The following SYNDIG1L variants were observed in gnomAD, a reference collection of about 807,000 sequenced individuals.
SYNDIG1L encodes the protein synapse differentiation inducing 1 like.
In SYNDIG1L, 13 loss-of-function variants were observed where a neutral mutation model predicts 20.1. The ratio of observed to expected loss-of-function variants is 0.65; its 90% CI spans 0.42 to 1.03. The LOEUF (loss-of-function observed/expected upper bound fraction) is 1.03, where lower values mean the gene tolerates loss of function less well. Among genes scored for constraint, SYNDIG1L ranks in the 50% least tolerant of loss-of-function variants. The probability of loss-of-function intolerance (pLI) is 0.00; values close to 1 mark genes in which losing one functional copy is unlikely to be tolerated. For missense variants in SYNDIG1L, 294 were observed against 305.1 expected, an observed-to-expected ratio of 0.96 and a Z score of 0.27; for synonymous variants, 128 against 129.3, an observed-to-expected ratio of 0.99 and a Z score of 0.07.
At chr14:74,424,111 G>A (rs2086246645) in intron 1 of SYNDIG1L, among the ~76,000 whole-genome samples, 1 of 152,148 alleles carries the variant, frequency 6.6e-6, no homozygotes, top group East Asian at 1.9e-4. Context: ...TAACTTTGTT[G>A]TCAAACCAGG....
the SYNDIG1L span, among the ~76,000 whole-genome samples, chr14:74,441,859 A>G: frequency 6.6e-6 from 1 of 152,162 alleles, no homozygotes; most frequent in African/African-American, 2.4e-5. Flanking sequence ...TTTAATAAAA[A>G]AAATTTCCAA....
At chr14:74,428,228 A>C (rs7151707), upstream of SYNDIG1L, among the ~76,000 whole-genome samples, 12,110 of 152,300 alleles carry the variant, frequency 0.08, 787 homozygotes, top group African/African-American at 0.17. Flanking sequence ...CTATAAGTGC[A>C]ATCAGCAATG....
At chr14:74,460,752 C>A in the SYNDIG1L span, among the ~76,000 whole-genome samples, 1 of 152,216 alleles carries the variant, frequency 6.6e-6, no homozygotes, top group Non-Finnish European at 1.5e-5. Flanking sequence ...TCTCCCACCT[C>A]AGCCTCCCAT....
chr14:74,410,382 G>A (rs2086121406), intron 1 of SYNDIG1L, among the ~76,000 whole-genome samples: 1 of 152,174 alleles, frequency 6.6e-6, no homozygotes, highest in Admixed American at 6.5e-5. Flanking sequence ...TTGGATACAG[G>A]AAAAGGCAGG....
chr14:74,478,742 C>T, the SYNDIG1L span, among the ~76,000 whole-genome samples: 1,171 of 152,292 alleles, frequency 7.7e-3, 18 homozygotes, highest in South Asian at 0.031. Flanking sequence ...TCAGATTGAA[C>T]CTTCTAATTT....
chr14:74,442,606 ATAT>A, the SYNDIG1L span, among the ~76,000 whole-genome samples: 2 of 152,332 alleles, frequency 1.3e-5, no homozygotes, highest in African/African-American at 4.8e-5. Flanking sequence ...CAGGAGGTTA[ATAT>A]TATCAGATTT....
chr14:74,418,228 C>T (rs2086192778), intron 1 of SYNDIG1L, among the ~76,000 whole-genome samples: 1 of 152,190 alleles, frequency 6.6e-6, no homozygotes, highest in African/African-American at 2.4e-5. Context: ...GAAAGAGCCA[C>T]CAAGCCAGCT....
chr14:74,439,681 G>A, the SYNDIG1L span, among the ~76,000 whole-genome samples: 1 of 151,856 alleles, frequency 6.6e-6, no homozygotes, highest in Non-Finnish European at 1.5e-5. Context: ...GGGAGTTCGA[G>A]ACCAGCCTGA....
the SYNDIG1L span, among the ~76,000 whole-genome samples, chr14:74,466,747 A>T: frequency 5.3e-5 from 8 of 152,312 alleles, no homozygotes; most frequent in East Asian, 9.7e-4. Flanking sequence ...ATTCCGTTAG[A>T]CAAAAGGTCC....
the SYNDIG1L span, among the ~76,000 whole-genome samples, chr14:74,446,039 A>G: frequency 6.6e-6 from 1 of 152,232 alleles, no homozygotes; most frequent in Non-Finnish European, 1.5e-5. Flanking sequence ...GTCTAGTTAC[A>G]TTAAACAAAT....
chr14:74,476,237 TCTG>T, the SYNDIG1L span: 4 of 594,566 alleles, frequency 6.7e-6, no homozygotes, highest in South Asian at 2.0e-5. Context: ...CTGAGAACAG[TCTG>T]CTGCTGCTGG....
chr14:74,415,163 A>C (rs1455454803), intron 1 of SYNDIG1L, among the ~76,000 whole-genome samples: 1 of 152,224 alleles, frequency 6.6e-6, no homozygotes, highest in Non-Finnish European at 1.5e-5. Context: ...TGCTGGAAGT[A>C]GGAGCAACTC....
At chr14:74,450,126 G>A in the SYNDIG1L span, among the ~76,000 whole-genome samples, 5 of 152,072 alleles carry the variant, frequency 3.3e-5, no homozygotes, top group Non-Finnish European at 1.5e-5. Context: ...AGGTGAAATG[G>A]ATAATTTCCT....
chr14:74,476,655 CT>C, the SYNDIG1L span: 1 of 1,318,242 alleles, frequency 7.6e-7, no homozygotes, highest in Non-Finnish European at 1.0e-6. Context: ...GCCGGATCCA[CT>C]CACCCACATT....
intron 1 of SYNDIG1L, among the ~76,000 whole-genome samples, chr14:74,414,096 G>A (rs929141286): frequency 2.0e-5 from 3 of 152,164 alleles, no homozygotes; most frequent in African/African-American, 4.8e-5. Context: ...GTAAGGGACC[G>A]GCACTCAGAG....
the SYNDIG1L span, among the ~76,000 whole-genome samples, chr14:74,463,051 C>T: frequency 6.6e-6 from 1 of 152,206 alleles, no homozygotes; most frequent in Non-Finnish European, 1.5e-5. Flanking sequence ...ACCCCACTTT[C>T]CTTCACAGCC....
rs895100707 is a variant in SYNDIG1L at position 74,407,663 on chromosome 14, G to A, written c.589C>T (p.Arg197Cys). 23 of 1,611,862 alleles carry A rather than the reference G, an allele frequency of 1.4e-5. No individual in the cohort carries two copies. The highest frequency in any genetic ancestry group is 2.2e-5 in the East Asian group (1 of 44,884). Residue 197 changes from arginine to cysteine, a missense_variant, in exon 4 of 4, where the codon CGC (arginine) becomes TGC (cysteine). Coordinates refer to ENST00000331628, the MANE Select transcript of SYNDIG1L (RefSeq NM_001105579.2). ...TSKAISKGDF[R>C]LASTTSRRAL... ...CGGCGGGAGGTGGTGCTGGCCAGGC[G>A]GAAGTCCCCTTTGGAGATGGCCTTG...
At chr14:74,442,482 G>A in the SYNDIG1L span, among the ~76,000 whole-genome samples, 2 of 152,194 alleles carry the variant, frequency 1.3e-5, no homozygotes, top group African/African-American at 4.8e-5. Context: ...GGCCAGTGAG[G>A]TGGGAAGAGA....
the SYNDIG1L span, among the ~76,000 whole-genome samples, chr14:74,475,841 C>T: frequency 5.9e-5 from 9 of 152,246 alleles, no homozygotes; most frequent in African/African-American, 2.2e-4. Context: ...AACTAGAAAA[C>T]GATTCATCTG....
Sources: allele counts gnomAD v4.1 joint callset (sites outside exome capture counted in the v4.1 genomes callset), GRCh38; gene constraint gnomAD v4.1.1; transcripts MANE v1.5; gene names NCBI Gene and HGNC (gene_info 2026-07-23, HGNC 2026-07-21).